The following ZNF107 variants were observed in gnomAD, a reference collection of about 807,000 sequenced individuals.
ZNF107 encodes zinc finger protein 107.
A neutral mutation model predicts 12.3 loss-of-function variants in ZNF107; 19 were observed. The observed-to-expected ratio is 1.55, with a 90% confidence interval of 1.08 to 2.27. ZNF107 has a LOEUF of 2.27. ZNF107 is among the 30% of genes most tolerant of loss of function. ZNF107 has a pLI of 0.00. For missense variants in ZNF107, 958 were observed against 979.9 expected, an observed-to-expected ratio of 0.98 and a Z score of 0.30; for synonymous variants, 317 against 330.5, an observed-to-expected ratio of 0.96 and a Z score of 0.44.
rs1789931048 is a variant in ZNF107 at position 64,686,761 on chromosome 7, C to G, written c.4-4487C>G. The G allele has an allele frequency of 3.5e-6, 3 of 848,046 alleles. No homozygotes were observed. The South Asian group carries it at 1.6e-4, about 46-fold the overall frequency. 52.5% of individuals were successfully genotyped at this position (848,046 alleles called of 1,614,324 possible). A position where few individuals can be genotyped will look rare whatever the true frequency, so the allele number is the denominator to read the frequency against. On this transcript the variant is annotated intron_variant, in intron 1 of 3. Transcript: ENST00000620827. ...TTCTTGAGTCAACAAGTCCCAAAACCATGTTGTAATTTTCCACCCGCCACT... is the reference window on the plus strand; with the variant it reads ...TTCTTGAGTCAACAAGTCCCAAAACGATGTTGTAATTTTCCACCCGCCACT...
intron 3 of ZNF107, among the ~76,000 whole-genome samples, chr7:64,698,733 A>G (rs1790376348): frequency 6.6e-6 from 1 of 152,198 alleles, no homozygotes; most frequent in African/African-American, 2.4e-5. Flanking sequence ...TTGCTCTTGC[A>G]TTTAATGTTG....
rs1790672822 is a variant in ZNF107 at position 64,706,934 on chromosome 7, T to C, written c.837T>C (p.His279=). 2 of 1,612,468 alleles carry C rather than the reference T, an allele frequency of 1.2e-6. No individual in the cohort carries two copies. Among genetic ancestry groups the C allele is most frequent in the African/African-American group, 1.3e-5 (1 of 74,810 alleles). Residue 279 remains histidine (H), a synonymous_variant, in exon 4 of 4, where the codon CAT becomes CAC. Transcript: ENST00000620827. ...ASHLTIHKII[H]TGEKPYKYEE... ...ACCTTACTATACATAAAATAATTCA[T>C]ACTGGAGAAAAACCTTACAAATATG...
At chr7:64,680,381 TG>T (rs1176694962) in intron 1 of ZNF107, among the ~76,000 whole-genome samples, 2 of 152,138 alleles carry the variant, frequency 1.3e-5, no homozygotes, top group Admixed American at 1.3e-4. Context: ...TCCTGAAGAA[TG>T]GGAGGGTGTT....
intron 1 of ZNF107, among the ~76,000 whole-genome samples, chr7:64,689,182 G>T (rs1178174260): frequency 2.0e-5 from 3 of 152,216 alleles, no homozygotes; most frequent in Non-Finnish European, 4.4e-5. Context: ...TCCTTTGGTT[G>T]TGCTCCACTT....
chr7:64,687,707 T>G, intron 1 of ZNF107: 1 of 387,300 alleles, frequency 2.6e-6, no homozygotes, highest in Non-Finnish European at 3.5e-6. Context: ...GCTGTAAATT[T>G]TTCTACTTGT....
chr7:64,694,010 A>G (rs1052917355), intron 3 of ZNF107, among the ~76,000 whole-genome samples: 7 of 151,690 alleles, frequency 4.6e-5, no homozygotes, highest in Non-Finnish European at 7.4e-5. Flanking sequence ...CTGGTCTCGA[A>G]CTCCTGACCT....
At chr7:64,671,659 A>G (rs9638202) in intron 1 of ZNF107, among the ~76,000 whole-genome samples, 7,140 of 152,100 alleles carry the variant, frequency 0.047, 451 homozygotes, top group African/African-American at 0.14. Context: ...TCTGTTTTGG[A>G]GTACACATGC....
chr7:64,686,824 C>T, intron 1 of ZNF107: 3 of 931,968 alleles, frequency 3.2e-6, no homozygotes, highest in Non-Finnish European at 3.8e-6. Context: ...CACCTCCGGG[C>T]TGACTCCCTT....
intron 3 of ZNF107, among the ~76,000 whole-genome samples, chr7:64,695,120 A>G (rs374949256): frequency 6.6e-6 from 1 of 152,042 alleles, no homozygotes; most frequent in South Asian, 2.1e-4. Context: ...ATATATATAC[A>G]TACACATATA....
intron 3 of ZNF107, among the ~76,000 whole-genome samples, chr7:64,703,773 T>C (rs1157018566): frequency 6.6e-6 from 1 of 151,986 alleles, no homozygotes; most frequent in Non-Finnish European, 1.5e-5. Flanking sequence ...TAAAGTGAAT[T>C]ATATATATAT....
chr7:64,697,912 C>T (rs1790348305), intron 3 of ZNF107, among the ~76,000 whole-genome samples: 1 of 152,106 alleles, frequency 6.6e-6, no homozygotes, highest in Non-Finnish European at 1.5e-5. Context: ...GAACTCCTGA[C>T]CTCGTGATCC....
At chr7:64,674,124 GT>G (rs72574121) in intron 1 of ZNF107, among the ~76,000 whole-genome samples, 50,199 of 146,934 alleles carry the variant, frequency 0.34, 8,921 homozygotes, top group Non-Finnish European at 0.4. Flanking sequence ...TAAAATAGGT[GT>G]TTTTTTTTTT....
intron 1 of ZNF107, among the ~76,000 whole-genome samples, chr7:64,678,380 G>T (rs1039658759): frequency 6.6e-6 from 1 of 152,136 alleles, no homozygotes; most frequent in East Asian, 1.9e-4. Context: ...GCAAAAGCGA[G>T]GTTCAGTGTA....
intron 3 of ZNF107, among the ~76,000 whole-genome samples, chr7:64,700,235 C>T (rs1790429071): frequency 6.6e-6 from 1 of 152,036 alleles, no homozygotes; most frequent in Non-Finnish European, 1.5e-5. Flanking sequence ...GGTATTTGGG[C>T]CATGGGGCCA....
At chr7:64,699,296 G>C (rs914963285) in intron 3 of ZNF107, among the ~76,000 whole-genome samples, 36 of 152,132 alleles carry the variant, frequency 2.4e-4, no homozygotes, top group African/African-American at 8.4e-4. Context: ...AGAATATGTT[G>C]AACAGTGTGT....
intron 3 of ZNF107, among the ~76,000 whole-genome samples, chr7:64,700,175 AC>A (rs371550459): frequency 5.3e-5 from 8 of 152,034 alleles, no homozygotes; most frequent in African/African-American, 1.9e-4. Flanking sequence ...TGTTCTGCAA[AC>A]CTCATGCTGC....
chr7:64,700,031 C>T (rs973770916), intron 3 of ZNF107, among the ~76,000 whole-genome samples: 16 of 113,934 alleles, frequency 1.4e-4, no homozygotes, highest in African/African-American at 5.2e-4. Flanking sequence ...CATGCCACCG[C>T]GGCTGGGCGA....
chr7:64,708,761 C>A lies in ZNF107; in HGVS notation c.*105C>A. ...TAACAAGTCTTCAACTTTTTCTGCACACACGAGGTATTTTATACTGGTGAG... is the reference window on the plus strand; with the variant it reads ...TAACAAGTCTTCAACTTTTTCTGCAAACACGAGGTATTTTATACTGGTGAG... On this transcript the variant is annotated 3_prime_UTR_variant, in exon 4 of 4. Transcript: ENST00000620827. The A allele has an allele frequency of 8.8e-7, 1 of 1,137,078 alleles. No individual in the cohort carries two copies. Among genetic ancestry groups the A allele is most frequent in the Non-Finnish European group, 1.2e-6 (1 of 811,676 alleles). 70.4% of individuals were successfully genotyped at this position (1,137,078 alleles called of 1,614,324 possible).
chr7:64,705,893 C>G lies in ZNF107; in HGVS notation c.227-431C>G, dbSNP rs563195384. Among the ~76,000 whole-genome samples, 12 of 150,980 alleles carry G rather than the reference C, an allele frequency of 7.9e-5. No individual in the cohort carries two copies. In the East Asian group the frequency reaches 1.4e-3, roughly 17 times the overall value. On this transcript the variant is annotated intron_variant, in intron 3 of 3. Coordinates refer to ENST00000620827, the MANE Select transcript of ZNF107 (RefSeq NM_001282359.2). ...TTCAGCCCTCTATGTCATGGGAGACCGAAACCAATATCTGCAAAGGCACAT... is the reference window on the plus strand; with the variant it reads ...TTCAGCCCTCTATGTCATGGGAGACGGAAACCAATATCTGCAAAGGCACAT...
Sources: allele counts gnomAD v4.1 joint callset (sites outside exome capture counted in the v4.1 genomes callset), GRCh38; gene constraint gnomAD v4.1.1; transcripts MANE v1.5; gene names NCBI Gene and HGNC (gene_info 2026-07-23, HGNC 2026-07-21).